The following TSEN2 variants were observed in gnomAD, a reference collection of about 807,000 sequenced individuals.
The protein encoded by TSEN2 is tRNA splicing endonuclease subunit 2.
In TSEN2, 54 loss-of-function variants were observed where a neutral mutation model predicts 59.2. The observed-to-expected ratio is 0.91, with a 90% CI of 0.73 to 1.14. The LOEUF (loss-of-function observed/expected upper bound fraction) is 1.14, where lower values mean the gene tolerates loss of function less well. TSEN2 is among the 50% of genes most tolerant of loss of function. The pLI, the probability that TSEN2 is intolerant of heterozygous loss-of-function variation, is 0.00. For synonymous variants in TSEN2, 195 were observed against 198.2 expected, an observed-to-expected ratio of 0.98 and a Z score of 0.14; for missense variants, 636 against 576.2, an observed-to-expected ratio of 1.10 and a Z score of -1.06.
At chr3:12,484,167 C>A (rs538591088), upstream of TSEN2, among the ~76,000 whole-genome samples, 25 of 152,386 alleles carry the variant, frequency 1.6e-4, no homozygotes, top group Non-Finnish European at 3.2e-4. Flanking sequence ...TCCCATCCAC[C>A]GAGGGCCGAA....
chr3:12,492,026 G>A (rs1053118822), intron 2 of TSEN2, 110 bp from the exon 3 acceptor site: 17 of 892,912 alleles, frequency 1.9e-5, no homozygotes, highest in Non-Finnish European at 3.1e-5. Context: ...ATCCACCAGA[G>A]GTCCTGGAAC....
intron 6 of TSEN2, among the ~76,000 whole-genome samples, chr3:12,510,238 C>T (rs781697390): frequency 8.5e-5 from 13 of 152,168 alleles, no homozygotes; most frequent in Non-Finnish European, 1.6e-4. Flanking sequence ...GTGCGCAGTG[C>T]GAAGACCTTG....
intron 6 of TSEN2, 145 bp downstream of exon 6, chr3:12,505,376 C>T (rs2054702590): frequency 1.5e-6 from 1 of 668,960 alleles, no homozygotes. Context: ...TGGGTAGCTC[C>T]CAAGTAGGCC....
At chr3:12,499,643 C>T (rs537263835) in intron 4 of TSEN2, among the ~76,000 whole-genome samples, 1 of 152,284 alleles carries the variant, frequency 6.6e-6, no homozygotes, top group South Asian at 2.1e-4. Flanking sequence ...CCCAAGATTA[C>T]GTGGGCTCAG....
At chr3:12,519,739 C>T (rs1288302478) in intron 8 of TSEN2, among the ~76,000 whole-genome samples, 5 of 151,508 alleles carry the variant, frequency 3.3e-5, no homozygotes, top group Non-Finnish European at 5.9e-5. Context: ...GGCAAGACTC[C>T]GTCTCAAAAG....
upstream of TSEN2, among the ~76,000 whole-genome samples, chr3:12,480,533 T>TTTTTTTTTTTG (rs2052180354): frequency 1.4e-5 from 2 of 140,304 alleles, no homozygotes; most frequent in Admixed American, 1.4e-4. Flanking sequence ...TCTTTGTTTT[T>TTTTTTTTTTTG]TTTTTTTTTT....
At chr3:12,508,718 A>G (rs371788461) in intron 6 of TSEN2, among the ~76,000 whole-genome samples, 15 of 152,194 alleles carry the variant, frequency 9.9e-5, no homozygotes, top group East Asian at 5.8e-4. Context: ...ATTTTCATAG[A>G]GTAATTGAAG....
At chr3:12,518,909 AAAAAT>A (rs1392808451) in intron 7 of TSEN2, 145 bp from the exon 8 acceptor site, 8 of 792,000 alleles carry the variant, frequency 1.0e-5, no homozygotes, top group Non-Finnish European at 1.6e-5. Context: ...ACTCTGTCTC[AAAAAT>A]AAAATAAATA....
At chr3:12,516,460 G>C (rs1305098490) in intron 6 of TSEN2, 151 bp from the exon 7 acceptor site, 40 of 646,862 alleles carry the variant, frequency 6.2e-5, no homozygotes, top group Non-Finnish European at 8.1e-5. Context: ...GTGTGTGTGT[G>C]TGTGTGTGTG....
In TSEN2 at chr3:12,530,172, G is replaced by T. The variant is rs1020365850; in HGVS notation, c.1248+299G>T. The T allele has an allele frequency of 1.9e-5, 23 of 1,235,900 alleles. No individual in the cohort carries two copies. In the African/African-American group the frequency reaches 3.4e-4, roughly 18 times the overall value. 76.6% of individuals were successfully genotyped at this position (1,235,900 alleles called of 1,614,324 possible). ...GTAGGCATTGCTTCTCTTCCCAGGG[G>T]TATCGTTGCTATGTGACTTGTTTTA... is the stretch of plus-strand genomic sequence containing the variant. On this transcript the variant is annotated intron_variant, in intron 10 of 11. Transcript: ENST00000284995.
Position 12,503,359 on chromosome 3 carries a change from C to T in TSEN2, c.406C>T (p.Leu136Phe). The T allele has an allele frequency of 6.2e-7, 1 of 1,614,222 alleles. No individual in the cohort carries two copies. The highest frequency in any genetic ancestry group is 1.1e-5 in the South Asian group (1 of 91,086). Residue 136 changes from leucine to phenylalanine, a missense_variant, in exon 5 of 12, where the codon CTT (leucine) becomes TTT (phenylalanine). Transcript: ENST00000284995. ...RRILKDYTKP[L>F]EHPPVKRNEE... ...AATCCTCAAGGATTACACGAAACCG[C>T]TTGAGCATCCTCCTGTGAAAAGGAA...
At chr3:12,503,151 A>G in intron 4 of TSEN2, 111 bp from the exon 5 acceptor site, 1 of 1,152,398 alleles carries the variant, frequency 8.7e-7, no homozygotes, top group Non-Finnish European at 1.3e-6. Context: ...CCATTCAATA[A>G]TACTGCTGTA....
upstream of TSEN2, among the ~76,000 whole-genome samples, chr3:12,483,689 A>T (rs1281595370): frequency 1.3e-5 from 2 of 152,190 alleles, no homozygotes; most frequent in Non-Finnish European, 2.9e-5. Flanking sequence ...CTTCCTTGCC[A>T]TCCTCCTTTG....
intron 1 of TSEN2, among the ~76,000 whole-genome samples, chr3:12,485,619 T>C (rs995169692): frequency 1.3e-5 from 2 of 152,232 alleles, no homozygotes; most frequent in African/African-American, 4.8e-5. Flanking sequence ...ATGTAATTGA[T>C]TGCAGGTGAG....
intron 10 of TSEN2, chr3:12,530,318 T>A: frequency 1.0e-6 from 1 of 989,034 alleles, no homozygotes; most frequent in Non-Finnish European, 1.2e-6. Flanking sequence ...CCCACCCTGT[T>A]GTTATCCTCA....
At chr3:12,495,333 C>T (rs538779906) in intron 3 of TSEN2, among the ~76,000 whole-genome samples, 38 of 152,166 alleles carry the variant, frequency 2.5e-4, no homozygotes, top group Admixed American at 3.9e-4. Context: ...GGGCTTATGC[C>T]GTCCTCCTAC....
chr3:12,533,770 T>G (rs2057600961), downstream of TSEN2: 1 of 151,834 alleles, frequency 6.6e-6, no homozygotes. Flanking sequence ...CTGAGCTGTA[T>G]CCTCTTAATG....
At chr3:12,483,225 A>C (rs2052265691), upstream of TSEN2, among the ~76,000 whole-genome samples, 1 of 152,094 alleles carries the variant, frequency 6.6e-6, no homozygotes, top group Non-Finnish European at 1.5e-5. Context: ...AAAATATAAC[A>C]ATCAGCCGGG....
In TSEN2 at chr3:12,516,629, G is replaced by T. The variant is rs747686090; in HGVS notation, c.928G>T (p.Ala310Ser). 2 of 1,613,928 alleles carry T rather than the reference G, an allele frequency of 1.2e-6. No individual in the cohort carries two copies. The highest frequency in any genetic ancestry group is 1.1e-5 in the South Asian group (1 of 91,078). ...TTTTCAGGCCTTTTTCTTGGTCTAT[G>T]CTCTGGGATGTTTAAGTATTTACTA... ...SLEEAFFLVY[A>S]LGCLSIYYEK... Residue 310 changes from alanine (A) to serine (S), a missense_variant, in exon 7 of 12, where the codon GCT (alanine) becomes TCT (serine). Ala to Ser is a moderately conservative substitution (Grantham distance 99). Transcript: ENST00000284995.
Sources: gnomAD v4.1 joint callset for allele counts (sites outside exome capture counted in the v4.1 genomes callset) on GRCh38, gnomAD v4.1.1 for gene constraint, MANE v1.5 for transcripts, NCBI Gene and HGNC (gene_info 2026-07-23, HGNC 2026-07-21) for gene names.